The following ST6GALNAC5 variants were observed in gnomAD, a reference collection of about 807,000 sequenced individuals.
ST6GALNAC5 encodes the protein ST6 N-acetylgalactosaminide alpha-2,6-sialyltransferase 5, also known as alpha-N-acetylgalactosaminide alpha-2,6-sialyltransferase 5.
In ST6GALNAC5, 27 loss-of-function variants were observed where a neutral mutation model predicts 33.6. The observed-to-expected ratio is 0.80, with a 90% CI of 0.59 to 1.11. The LOEUF is 1.11. Ranked by LOEUF, ST6GALNAC5 falls within the 50% of genes least tolerant of loss-of-function variation. ST6GALNAC5 has a pLI of 0.00. For missense variants in ST6GALNAC5, 428 were observed against 454.0 expected, an observed-to-expected ratio of 0.94 and a Z score of 0.52; for synonymous variants, 194 against 171.2, an observed-to-expected ratio of 1.13 and a Z score of -1.04.
At position 76,969,903 on chromosome 1, in the gene ST6GALNAC5, C is replaced by A. The variant is rs1363092148; in HGVS notation, c.262-74301C>A. On this transcript the variant is annotated intron_variant, in intron 2 of 4. Transcript: ENST00000477717. ...GCAGCCTCTGCTGGTAATACCTAGG[C>A]AAACAGGGTCTGGAGTGGACCACCA... is the stretch of plus-strand genomic sequence containing the variant. Among the ~76,000 whole-genome samples the A allele has an allele frequency of 2.6e-5, 4 of 152,202 alleles. No homozygotes were observed. The East Asian group carries it at 7.8e-4, about 30-fold the overall frequency.
At chr1:76,903,462 G>A (rs1205631173) in intron 2 of ST6GALNAC5, among the ~76,000 whole-genome samples, 1 of 152,102 alleles carries the variant, frequency 6.6e-6, no homozygotes, top group African/African-American at 2.4e-5. Context: ...TGTCACTTTG[G>A]AAAATGGACT....
At chr1:76,978,624 C>T (rs1249003701) in intron 2 of ST6GALNAC5, among the ~76,000 whole-genome samples, 2 of 152,174 alleles carry the variant, frequency 1.3e-5, no homozygotes, top group Non-Finnish European at 1.5e-5. Flanking sequence ...AAGGAACATG[C>T]TTGAACACAG....
At chr1:76,871,738 T>G (rs1216691349) in intron 2 of ST6GALNAC5, among the ~76,000 whole-genome samples, 1 of 152,196 alleles carries the variant, frequency 6.6e-6, no homozygotes, top group Non-Finnish European at 1.5e-5. Flanking sequence ...TTTCACAAAC[T>G]ATGTGAGCTG....
intron 2 of ST6GALNAC5, among the ~76,000 whole-genome samples, chr1:76,921,920 G>A (rs1647038164): frequency 6.6e-6 from 1 of 152,136 alleles, no homozygotes; most frequent in African/African-American, 2.4e-5. Flanking sequence ...AACAGGGTAA[G>A]ACTGAATACT....
At chr1:76,984,676 T>C (rs1102445) in intron 2 of ST6GALNAC5, among the ~76,000 whole-genome samples, 29,280 of 152,106 alleles carry the variant, frequency 0.19, 3,336 homozygotes, top group African/African-American at 0.32. Flanking sequence ...GAGGCCAACA[T>C]CATCCTGATA....
chr1:76,914,070 G>A (rs1273457370), intron 2 of ST6GALNAC5, among the ~76,000 whole-genome samples: 1 of 152,124 alleles, frequency 6.6e-6, no homozygotes, highest in African/African-American at 2.4e-5. Flanking sequence ...GCCAAATCAT[G>A]AGTGAACTCC....
At chr1:76,869,427 A>G (rs1431971346) in intron 2 of ST6GALNAC5, among the ~76,000 whole-genome samples, 3 of 152,204 alleles carry the variant, frequency 2.0e-5, no homozygotes, top group Non-Finnish European at 4.4e-5. Context: ...AATAATAAAT[A>G]TCTGGTTTCA....
At chr1:76,962,590 A>C (rs912913476) in intron 2 of ST6GALNAC5, among the ~76,000 whole-genome samples, 4 of 152,220 alleles carry the variant, frequency 2.6e-5, no homozygotes, top group Admixed American at 1.3e-4. Flanking sequence ...GGGTAGTGGA[A>C]GGTATTAAAG....
intron 2 of ST6GALNAC5, among the ~76,000 whole-genome samples, chr1:77,040,665 T>C (rs987294131): frequency 6.6e-6 from 1 of 152,168 alleles, no homozygotes; most frequent in African/African-American, 2.4e-5. Flanking sequence ...GAATAATTAA[T>C]TAAGGGGAAA....
chr1:77,033,958 A>G (rs899898931), intron 2 of ST6GALNAC5, among the ~76,000 whole-genome samples: 1 of 152,138 alleles, frequency 6.6e-6, no homozygotes, highest in African/African-American at 2.4e-5. Flanking sequence ...ATGACCTGAA[A>G]GGTGAAAGCT....
rs1652646268 is a variant in ST6GALNAC5 at position 77,063,189 on chromosome 1, A to G, written c.994A>G (p.Asn332Asp). ...PESLAINHPE[N>D]KPVF ...ATCACTTGCTATAAATCATCCTGAG[A>G]ATAAACCTGTGTTCTAAGGAATGAG... Residue 332 changes from asparagine to aspartate, a missense_variant, in exon 5 of 5, where the codon AAT becomes GAT. Coordinates refer to ENST00000477717, the MANE Select transcript of ST6GALNAC5 (RefSeq NM_030965.3). 7 of 1,613,708 alleles carry G rather than the reference A, an allele frequency of 4.3e-6. No homozygotes were observed. The highest frequency in any genetic ancestry group is 5.1e-6 in the Non-Finnish European group (6 of 1,179,722).
chr1:76,970,219 G>T (rs1434808671), intron 2 of ST6GALNAC5, among the ~76,000 whole-genome samples: 1 of 152,034 alleles, frequency 6.6e-6, no homozygotes, highest in Admixed American at 6.6e-5. Flanking sequence ...AGAGCTGACA[G>T]AAATAGGCTT....
chr1:77,020,557 C>T (rs892446771), intron 2 of ST6GALNAC5, among the ~76,000 whole-genome samples: 4 of 152,058 alleles, frequency 2.6e-5, no homozygotes, highest in African/African-American at 9.7e-5. Flanking sequence ...TGCACCACCA[C>T]ACTCCTCTAA....
At position 76,932,013 on chromosome 1, in the gene ST6GALNAC5, G is replaced by C. The variant is rs1301534673; in HGVS notation, c.261+63271G>C. On this transcript the variant is annotated intron_variant, in intron 2 of 4. Transcript: ENST00000477717. ...GCAAAAATGAGACCTGAGTTAATTG[G>C]ATTTAGGAATTAGGAAGTGACTATT... 2.0e-5 allele frequency among the ~76,000 whole-genome samples: 3 copies of C among 152,108 alleles called. No homozygotes were observed. In the East Asian group the frequency reaches 5.8e-4, roughly 29 times the overall value.
Position 77,062,982 on chromosome 1 carries a change from A to G in ST6GALNAC5, c.787A>G (p.Asn263Asp). 3 of 1,612,754 alleles carry G rather than the reference A, an allele frequency of 1.9e-6. No homozygotes were observed. The highest frequency in any genetic ancestry group is 2.5e-6 in the Non-Finnish European group (3 of 1,178,922). ...CTCAATTTCCTCCTACAGGGATCCC[A>G]ATCACCCTTCAGTACCTTATCATTA... ...MVPPDFCRDP[N>D]HPSVPYHYYE... The change falls in exon 5 of 5, where the codon AAT becomes GAT. Residue 263 changes from asparagine to aspartate, a missense_variant. Physicochemically the swap from Asn to Asp is conservative, Grantham distance 23 (BLOSUM62 1). Coordinates refer to ENST00000477717, the MANE Select transcript of ST6GALNAC5 (RefSeq NM_030965.3).
intron 2 of ST6GALNAC5, among the ~76,000 whole-genome samples, chr1:76,947,071 G>C (rs140770451): frequency 6.6e-6 from 1 of 151,966 alleles, no homozygotes; most frequent in Non-Finnish European, 1.5e-5. Context: ...TTTTTTATTA[G>C]CAGCAAATTA....
intron 2 of ST6GALNAC5, among the ~76,000 whole-genome samples, chr1:77,027,556 A>T (rs546892685): frequency 3.9e-5 from 6 of 152,158 alleles, no homozygotes; most frequent in Non-Finnish European, 5.9e-5. Context: ...GAGGAGCACA[A>T]TGGGAACTGG....
chr1:77,054,436 A>G (rs977151071), intron 4 of ST6GALNAC5, among the ~76,000 whole-genome samples: 1 of 152,220 alleles, frequency 6.6e-6, no homozygotes, highest in Non-Finnish European at 1.5e-5. Context: ...CTATTGTATA[A>G]GATTTCTTTT....
chr1:76,945,696 A>G (rs1647494133), intron 2 of ST6GALNAC5, among the ~76,000 whole-genome samples: 1 of 152,114 alleles, frequency 6.6e-6, no homozygotes, highest in Admixed American at 6.6e-5. Context: ...ACCTTGGTTT[A>G]AAAAGAACTA....
Sources: allele counts gnomAD v4.1 joint callset (sites outside exome capture counted in the v4.1 genomes callset), GRCh38; gene constraint gnomAD v4.1.1; transcripts MANE v1.5; gene names NCBI Gene and HGNC (gene_info 2026-07-23, HGNC 2026-07-21).